The following DECR2 variants were observed in gnomAD, a reference collection of about 807,000 sequenced individuals.
DECR2 encodes 2,4-dienoyl-CoA reductase 2.
Under a neutral mutation model 29.2 loss-of-function variants are expected in DECR2, and 34 were observed. The ratio of observed to expected loss-of-function variants is 1.16; its 90% CI spans 0.89 to 1.55. The LOEUF is 1.55. Ranked by LOEUF, DECR2 falls within the 40% of genes most tolerant of loss-of-function variation. The pLI, the probability that DECR2 is intolerant of heterozygous loss-of-function variation, is 0.00. For missense variants in DECR2, 485 were observed against 425.3 expected (o/e 1.14, Z -1.23); for synonymous variants, 224 against 182.7 (o/e 1.23, Z -1.82).
chr16:405,729 C>CA, intron 2 of DECR2: 1 of 625,476 alleles, frequency 1.6e-6, no homozygotes, highest in Non-Finnish European at 2.7e-6. Context: ...ACGGGCGTCT[C>CA]CATGCTGTTA....
rs369873189 is a variant in DECR2 at position 410,676 on chromosome 16, C to A, written c.463-15C>A. On this transcript the variant is annotated splice_polypyrimidine_tract_variant and intron_variant, in intron 5 of 8. Transcript: ENST00000219481. This position sits in a 1 kb window ranked among gnomAD's most constrained non-coding sequence, Gnocchi z 4.1. ...ACACCCGCCCGCTCACTGCCCCGGG[C>A]CTTGTGTGTTGCAGGACCACGGAGG... 1.0e-5 allele frequency: 16 copies of A among 1,596,548 alleles called. No individual in the cohort carries two copies. In the African/African-American group the frequency reaches 1.9e-4, roughly 19 times the overall value.
At position 411,030 on chromosome 16, in the gene DECR2, C is replaced by T. The variant is rs546270474; in HGVS notation, c.615C>T (p.Ser205=). 2 of 1,596,414 alleles carry T rather than the reference C, an allele frequency of 1.3e-6. No homozygotes were observed. Among genetic ancestry groups the T allele is most frequent in the South Asian group, 2.3e-5 (2 of 87,956 alleles). The stretch of plus-strand genomic sequence containing the variant: ...GTCCCCAAAACATCCGCGTCAACAG[C>T]CTCGCCCCTGGCCCCATCAGTGGCA... The part of the protein sequence containing the change: ...EWGPQNIRVN[S]LAPGPISGTE... Residue 205 remains serine, a synonymous_variant, in exon 7 of 9, where the codon AGC becomes AGT. Transcript: ENST00000219481.
In DECR2 at chr16:407,443, G is replaced by A; in HGVS notation, c.220G>A (p.Gly74Arg). Residue 74 changes from glycine (G) to arginine (R), a missense_variant, in exon 4 of 9, where the codon GGG becomes AGG. Physicochemically the swap from Gly to Arg is moderately radical, Grantham distance 125. Coordinates refer to ENST00000219481, the MANE Select transcript of DECR2 (RefSeq NM_020664.4). ...RVLTAARKLA[G>R]ATGRRCLPLS... ...CTTCTAGGCCGCCAGGAAGCTGGCT[G>A]GGGCCACCGGCCGGCGCTGCCTCCC... 6.2e-7 allele frequency: 1 copy of A among 1,610,000 alleles called. No homozygotes were observed.
chr16:404,616 TTTTTATTTTA>T (rs942416364), intron 1 of DECR2, among the ~76,000 whole-genome samples: 1 of 151,760 alleles, frequency 6.6e-6, no homozygotes, highest in African/African-American at 2.4e-5. Context: ...TTTTTATTTA[TTTTTATTTTA>T]TTTTATTTAT....
chr16:410,425 G>A lies in DECR2; in HGVS notation c.462+58G>A, dbSNP rs188648786. The A allele has an allele frequency of 9.4e-5, 149 of 1,584,790 alleles. No individual in the cohort carries two copies. The highest frequency in any genetic ancestry group is 6.7e-4 in the Middle Eastern group (3 of 4,468). On this transcript the variant is annotated intron_variant, in intron 5 of 8. Transcript: ENST00000219481. This position sits in a 1 kb window ranked among gnomAD's most constrained non-coding sequence, Gnocchi z 4.1. ...TCCGGGTGGGTGCCTCGTGCGCTCT[G>A]TGAGAAGTTCTTCCGGGTGGGTGCC...
At chr16:402,576 C>T (rs1338452936) in intron 1 of DECR2, among the ~76,000 whole-genome samples, 2 of 152,038 alleles carry the variant, frequency 1.3e-5, no homozygotes, top group South Asian at 2.1e-4. Context: ...GAAGGCAGCC[C>T]GGGCAAAGGT....
At chr16:407,193 C>T (rs913294922) in intron 3 of DECR2, 59 of 1,352,280 alleles carry the variant, frequency 4.4e-5, no homozygotes, top group Non-Finnish European at 5.4e-5. Context: ...TGGAGGGCGA[C>T]GCAGAGGGAG....
At chr16:408,532 T>C (rs2054771616) in intron 4 of DECR2, among the ~76,000 whole-genome samples, 1 of 151,196 alleles carries the variant, frequency 6.6e-6, no homozygotes, top group African/African-American at 2.4e-5. Flanking sequence ...CTTTTTTTTT[T>C]TTTTAGACAG....
At chr16:408,002 TCTGTCTCCGGCCCCCTGTCTCCGGGCCC>T (rs2054755100) in intron 4 of DECR2, among the ~76,000 whole-genome samples, 1 of 6,842 alleles carries the variant, frequency 1.5e-4, no homozygotes, top group African/African-American at 1.4e-3. Context: ...TCTCCGGGCC[TCTGTCTCCGGCCCCCTGTCTCCGGGCCC>T]CTGTCTCCGG....
At chr16:408,890 G>A (rs1392590916) in intron 4 of DECR2, among the ~76,000 whole-genome samples, 2 of 149,498 alleles carry the variant, frequency 1.3e-5, no homozygotes, top group African/African-American at 5.0e-5. Flanking sequence ...GGAGTACCAT[G>A]GTACAATCTC....
rs754182241 is a variant in DECR2 at position 410,175 on chromosome 16, C to T, written c.338-68C>T. ...CTCCTGCACCCTCCGCTCTGCCCAC[C>T]TGGCCACCACCCACTTGGCATCCCT... On this transcript the variant is annotated intron_variant, in intron 4 of 8. Coordinates refer to ENST00000219481, the MANE Select transcript of DECR2 (RefSeq NM_020664.4). The surrounding 1 kb of genome is among the most constrained non-coding windows in gnomAD (Gnocchi z 4.1). The T allele has an allele frequency of 3.8e-6, 6 of 1,571,418 alleles. No homozygotes were observed. Among genetic ancestry groups the T allele is most frequent in the Non-Finnish European group, 5.2e-6 (6 of 1,157,240 alleles).
intron 8 of DECR2, 137 bp downstream of exon 8, chr16:411,715 C>G: frequency 1.1e-6 from 1 of 943,384 alleles, no homozygotes. Context: ...AGCCTGCCCA[C>G]ACATGGGTGC....
At position 408,570 on chromosome 16, in the gene DECR2, T is replaced by C. The variant is rs140923044; in HGVS notation, c.337+1010T>C. On this transcript the variant is annotated intron_variant, in intron 4 of 8. Transcript: ENST00000219481. ...TCTCACTCTGTCACCCAGGCTGGTG[T>C]GATCATGGCTTACTGCAGCCTCCAC... 8.3e-3 allele frequency among the ~76,000 whole-genome samples: 1,254 copies of C among 151,588 alleles called. 14 individuals are homozygous for C. Among genetic ancestry groups the C allele is most frequent in the African/African-American group, 0.02 (823 of 41,390 alleles).
chr16:409,406 G>A lies in DECR2; in HGVS notation c.338-837G>A, dbSNP rs182271677. 6.0e-3 allele frequency among the ~76,000 whole-genome samples: 903 copies of A among 150,484 alleles called. 9 individuals carry two copies. The highest frequency in any genetic ancestry group is 0.021 in the African/African-American group (847 of 40,888). On this transcript the variant is annotated intron_variant, in intron 4 of 8. Transcript: ENST00000219481. ...AGGATGGTCTCGATCTCCTGACCTC[G>A]TGATCCGCCCGCCTCAGCCTCCCAA...
rs370692508 is a variant in DECR2, at chr16:411,652, G to A, written c.*74G>A. ...GGTCACTGCATGGGCAGGTCTCTGC[G>A]GGACCCACGGGGCTGGCGTCTCCTT... On this transcript the variant is annotated intron_variant, in intron 8 of 8. Transcript: ENST00000219481. 37 of 1,483,202 alleles carry A rather than the reference G, an allele frequency of 2.5e-5. No homozygotes were observed. In the East Asian group the frequency reaches 3.0e-4, roughly 12 times the overall value. The allele number at this position is 1,483,202 out of a possible 1,614,324, so 91.9% of individuals were successfully genotyped here. A position where few individuals can be genotyped will look rare whatever the true frequency, so the allele number is the denominator to read the frequency against.
intron 3 of DECR2, chr16:407,106 G>A (rs1306721777): frequency 8.7e-7 from 1 of 1,153,384 alleles, no homozygotes. Flanking sequence ...ACCTACTGGA[G>A]CCCTCGACCT....
intron 8 of DECR2, 61 bp downstream of exon 8, chr16:411,639 G>A: frequency 6.5e-7 from 1 of 1,549,454 alleles, no homozygotes; most frequent in South Asian, 1.2e-5. Flanking sequence ...TCACTGCATG[G>A]GCAGGTCTCT....
rs369399811 is a variant in DECR2, at chr16:408,083, G to C, written c.337+523G>C. ...TCTGTCTCCGGGCCCCTGTCTCCGG[G>C]CCCCTGTCTCCAGCCCCCTGTCTCC... On this transcript the variant is annotated intron_variant, in intron 4 of 8. Coordinates refer to ENST00000219481, the MANE Select transcript of DECR2 (RefSeq NM_020664.4). Among the ~76,000 whole-genome samples the C allele has an allele frequency of 5.3e-4, 4 of 7,496 alleles. 1 individual carries two copies. The highest frequency in any genetic ancestry group is 2.9e-3 in the African/African-American group (4 of 1,392). The allele number at this position is 7,496 out of a possible 152,430, so 4.9% of individuals were successfully genotyped here.
rs150968368 is a variant in DECR2, at chr16:405,822, C to T, written c.150-524C>T. On this transcript the variant is annotated intron_variant, in intron 2 of 8. Coordinates refer to ENST00000219481, the MANE Select transcript of DECR2 (RefSeq NM_020664.4). Reference sequence around the variant, plus strand: ...TGTAGGAATTTGTTTAGGATAACATCAAGGTGGTTTTGACCTAAAGGCAGG... The same window carrying T: ...TGTAGGAATTTGTTTAGGATAACATTAAGGTGGTTTTGACCTAAAGGCAGG... 3.4e-4 allele frequency among the ~76,000 whole-genome samples: 52 copies of T among 152,300 alleles called. No individual in the cohort carries two copies. The South Asian group carries it at 4.6e-3, about 13-fold the overall frequency.
Sources: allele counts gnomAD v4.1 joint callset (sites outside exome capture counted in the v4.1 genomes callset), GRCh38; gene constraint gnomAD v4.1.1; non-coding constraint Gnocchi (gnomAD v3.1); transcripts MANE v1.5; gene names NCBI Gene and HGNC (gene_info 2026-07-23, HGNC 2026-07-21).